The following UBE4B variants were observed in gnomAD, a reference collection of about 807,000 sequenced individuals.
UBE4B encodes the protein ubiquitination factor E4B.
Under a neutral mutation model 148.1 loss-of-function variants are expected in UBE4B, and 27 were observed. The observed-to-expected ratio is 0.18, with a 90% CI of 0.13 to 0.25. The LOEUF (loss-of-function observed/expected upper bound fraction) is 0.25. Ranked by LOEUF, UBE4B falls within the 10% of genes least tolerant of loss-of-function variation. UBE4B has a pLI of 1.00. For missense variants in UBE4B, 1,170 were observed against 1,662.4 expected, an observed-to-expected ratio of 0.70 and a Z score of 5.15; for synonymous variants, 596 against 619.3, an observed-to-expected ratio of 0.96 and a Z score of 0.56.
At chr1:10,060,784 C>CTCACTCTGTTGCCTAGGCTAG (rs1644269142) in intron 1 of UBE4B, among the ~76,000 whole-genome samples, 3 of 151,708 alleles carry the variant, frequency 2.0e-5, no homozygotes, top group Non-Finnish European at 1.5e-5. Flanking sequence ...TTTTTGGAGC[C>CTCACTCTGTTGCCTAGGCTAG]AGTCTCACTC....
Position 10,072,210 on chromosome 1 carries a change from A to T in UBE4B, c.207A>T (p.Ala69=), listed in dbSNP as rs1280496053. 1 of 1,612,366 alleles carries T rather than the reference A, an allele frequency of 6.2e-7. No individual in the cohort carries two copies. The highest frequency in any genetic ancestry group is 1.7e-5 in the Admixed American group (1 of 59,146). Residue 69 remains alanine, a synonymous_variant, in exon 2 of 28, where the codon GCA becomes GCT. Transcript: ENST00000343090. The part of the protein sequence containing the change: ...NMTPATSPIG[A]SGVAHRSQSS... ...CCCCAGCTACCTCCCCAATAGGTGC[A>T]TCAGGTAAGCCCAAGCTTCATACCT...
At chr1:10,176,084 A>G (rs1465307995) in intron 25 of UBE4B, among the ~76,000 whole-genome samples, 1 of 152,242 alleles carries the variant, frequency 6.6e-6, no homozygotes, top group Non-Finnish European at 1.5e-5. Context: ...TATTTCATAT[A>G]AACGGACTTA....
intron 21 of UBE4B, among the ~76,000 whole-genome samples, chr1:10,156,239 CTTT>C (rs199801311): frequency 0.099 from 12,229 of 123,662 alleles, 988 homozygotes; most frequent in African/African-American, 0.24. Context: ...ATTTTCTTTT[CTTT>C]TTTTTTTTTT....
intron 23 of UBE4B, among the ~76,000 whole-genome samples, chr1:10,167,445 AATAATAAT>A (rs1646270239): frequency 2.3e-5 from 3 of 132,612 alleles, no homozygotes; most frequent in East Asian, 3.2e-4. Context: ...CTCAAAAAAT[AATAATAAT>A]AATAATAATA....
intron 25 of UBE4B, among the ~76,000 whole-genome samples, chr1:10,177,796 A>G (rs1646449184): frequency 6.6e-6 from 1 of 152,200 alleles, no homozygotes. Context: ...TACTATAAAT[A>G]CAAACTACAG....
rs138771768 is a variant in UBE4B, at chr1:10,134,634, G to T, written c.2026-354G>T. Among the ~76,000 whole-genome samples the T allele has an allele frequency of 3.2e-3, 485 of 152,308 alleles. 1 individual carries two copies. The highest frequency in any genetic ancestry group is 0.011 in the African/African-American group (467 of 41,564). On this transcript the variant is annotated intron_variant, in intron 15 of 27. Coordinates refer to ENST00000343090, the MANE Select transcript of UBE4B (RefSeq NM_001105562.3). ...ATAGAATTAATGGAATGACAGTGGT[G>T]ATGAGATATATGTCTTCTCATTGAC...
chr1:10,129,341 ACAGT>A (rs1487092295), intron 11 of UBE4B, 47 bp from the exon 12 acceptor site: 17 of 1,538,738 alleles, frequency 1.1e-5, no homozygotes, highest in Middle Eastern at 1.7e-4. Flanking sequence ...GCTACAAATG[ACAGT>A]CAGTTTAAGA....
chr1:10,104,611 T>C (rs571143007), intron 5 of UBE4B, among the ~76,000 whole-genome samples: 1 of 152,352 alleles, frequency 6.6e-6, no homozygotes, highest in Admixed American at 6.5e-5. Context: ...AGACTATTTC[T>C]GATTTTACTT....
rs138618218 is a variant in UBE4B at position 10,061,446 on chromosome 1, G to A, written c.25-10582G>A. 1.7e-4 allele frequency among the ~76,000 whole-genome samples: 26 copies of A among 152,148 alleles called. 1 individual carries two copies. Among genetic ancestry groups the A allele is most frequent in the African/African-American group, 5.3e-4 (22 of 41,518 alleles). Reference sequence around the variant, plus strand: ...ATCTTTTATATTTTTTATTAGAGACGGGGTTTCACCATCTTGACCAGACTA... The same window carrying A: ...ATCTTTTATATTTTTTATTAGAGACAGGGTTTCACCATCTTGACCAGACTA... On this transcript the variant is annotated intron_variant, in intron 1 of 27. Coordinates refer to ENST00000343090, the MANE Select transcript of UBE4B (RefSeq NM_001105562.3).
chr1:10,063,295 C>T (rs186886787), intron 1 of UBE4B, among the ~76,000 whole-genome samples: 4 of 152,126 alleles, frequency 2.6e-5, no homozygotes, highest in East Asian at 1.9e-4. Context: ...AAACAGATGT[C>T]GGCAACCTGT....
intron 1 of UBE4B, among the ~76,000 whole-genome samples, chr1:10,044,054 T>C (rs1442436085): frequency 2.0e-5 from 3 of 152,098 alleles, no homozygotes; most frequent in African/African-American, 4.8e-5. Context: ...TCTTTTTTTT[T>C]TGGAGACAGA....
intron 2 of UBE4B, among the ~76,000 whole-genome samples, chr1:10,087,782 G>T (rs1644787088): frequency 6.6e-6 from 1 of 152,130 alleles, no homozygotes; most frequent in Non-Finnish European, 1.5e-5. Context: ...TCCATATTCA[G>T]TTCTTTGGTA....
chr1:10,147,309 A>G (rs968670694), intron 19 of UBE4B, among the ~76,000 whole-genome samples: 2 of 152,162 alleles, frequency 1.3e-5, no homozygotes, highest in East Asian at 1.9e-4. Flanking sequence ...CCTGGCCAAC[A>G]TGGCGAAACC....
chr1:10,174,097 A>G (rs1646378605), intron 25 of UBE4B, among the ~76,000 whole-genome samples: 1 of 152,188 alleles, frequency 6.6e-6, no homozygotes, highest in Non-Finnish European at 1.5e-5. Flanking sequence ...AGAAAAGCAT[A>G]TTTTAAGAAG....
In UBE4B at chr1:10,121,078, A is replaced by G. The variant is rs1196391792; in HGVS notation, c.1440-884A>G. Among the ~76,000 whole-genome samples, 6 of 152,144 alleles carry G rather than the reference A, an allele frequency of 3.9e-5. 1 individual carries two copies. The highest frequency in any genetic ancestry group is 4.1e-4 in the South Asian group (2 of 4,830). ...TTAGATGAGGCATAAAGAAACATAT[A>G]ATACGGCCAGGCGTGGTGGCTTACA... On this transcript the variant is annotated intron_variant, in intron 9 of 27. Transcript: ENST00000343090.
intron 7 of UBE4B, among the ~76,000 whole-genome samples, chr1:10,115,201 G>C (rs1391188831): frequency 1.3e-5 from 2 of 149,082 alleles, no homozygotes; most frequent in Admixed American, 6.7e-5. Context: ...GGCCAGGCTG[G>C]TCTCGAACTC....
chr1:10,089,258 G>A (rs1644810849), intron 2 of UBE4B, among the ~76,000 whole-genome samples: 1 of 152,048 alleles, frequency 6.6e-6, no homozygotes, highest in Non-Finnish European at 1.5e-5. Flanking sequence ...GCCCACCTTA[G>A]CCTCCCAAAG....
chr1:10,115,345 G>A (rs1188585881), intron 7 of UBE4B, among the ~76,000 whole-genome samples: 1 of 151,668 alleles, frequency 6.6e-6, no homozygotes. Flanking sequence ...TCAGCTCACA[G>A]CAGCCTCTGC....
intron 2 of UBE4B, among the ~76,000 whole-genome samples, chr1:10,078,152 G>A (rs577468429): frequency 6.6e-6 from 1 of 152,128 alleles, no homozygotes; most frequent in Admixed American, 6.6e-5. Context: ...GGGGTTACAG[G>A]TGCGTGCCAC....
Sources: gnomAD v4.1 joint callset for allele counts (sites outside exome capture counted in the v4.1 genomes callset) on GRCh38, gnomAD v4.1.1 for gene constraint, MANE v1.5 for transcripts, NCBI Gene and HGNC (gene_info 2026-07-23, HGNC 2026-07-21) for gene names.